The following C13orf46 variants were observed in gnomAD, a reference collection of about 807,000 sequenced individuals.
C13orf46 encodes the protein uncharacterized protein C13orf46.
rs1187073755 is a variant in C13orf46, at chr13:113,955,734, G to C, written c.*1039C>G. 1 of 159,112 alleles carries C rather than the reference G, an allele frequency of 6.3e-6. No individual in the cohort carries two copies. The highest frequency in any genetic ancestry group is 6.6e-5 in the Admixed American group (1 of 15,044). 9.9% of individuals were successfully genotyped at this position (159,112 alleles called of 1,614,324 possible). ...AGGAGTAGTGTCTGGCAGAGACGAG[G>C]AGTAGTGTCTGGCAGAGAGGAGGAG... On this transcript the variant is annotated 3_prime_UTR_variant, in exon 7 of 7. Transcript: ENST00000636427.
the C13orf46 span, among the ~76,000 whole-genome samples, chr13:113,931,540 T>G: frequency 2.4e-3 from 365 of 152,250 alleles, 1 homozygote; most frequent in African/African-American, 8.3e-3. Flanking sequence ...AGACGGCACC[T>G]GCGGGTGACA....
the C13orf46 span, among the ~76,000 whole-genome samples, chr13:113,937,805 G>A: frequency 8.5e-5 from 13 of 152,216 alleles, no homozygotes; most frequent in South Asian, 2.1e-4. Flanking sequence ...AGCCTTTTAC[G>A]GAATGCACAA....
chr13:113,963,227 GGCCCCTGTCCTCAGCCTC>G (rs1483304553), intron 6 of C13orf46, among the ~76,000 whole-genome samples: 1,502 of 128,272 alleles, frequency 0.012, 19 homozygotes, highest in Middle Eastern at 0.032. Context: ...CCTCAGCCTC[GGCCCCTGTCCTCAGCCTC>G]GCCCCTGTCC....
At chr13:113,934,487 TA>T in the C13orf46 span, among the ~76,000 whole-genome samples, 1 of 152,196 alleles carries the variant, frequency 6.6e-6, no homozygotes, top group African/African-American at 2.4e-5. Flanking sequence ...ATTTTCCTTT[TA>T]AAAATCACTT....
At chr13:113,969,062 G>T (rs918708765) in intron 2 of C13orf46, among the ~76,000 whole-genome samples, 1 of 152,248 alleles carries the variant, frequency 6.6e-6, no homozygotes, top group East Asian at 1.9e-4. Context: ...CTTGCTCAAA[G>T]AACCAAAATC....
the C13orf46 span, among the ~76,000 whole-genome samples, chr13:113,943,008 C>T: frequency 6.6e-6 from 1 of 152,186 alleles, no homozygotes; most frequent in Non-Finnish European, 1.5e-5. Context: ...CCTCAGGGAG[C>T]GCTGGCCCCT....
the C13orf46 span, among the ~76,000 whole-genome samples, chr13:113,935,310 T>G: frequency 1.4e-4 from 21 of 152,358 alleles, no homozygotes; most frequent in African/African-American, 4.8e-4. Flanking sequence ...GAGGGGCGAC[T>G]GCAGAGGTTA....
At chr13:113,967,857 T>C (rs935812344) in intron 4 of C13orf46, among the ~76,000 whole-genome samples, 7 of 152,104 alleles carry the variant, frequency 4.6e-5, no homozygotes, top group Non-Finnish European at 1.0e-4. Flanking sequence ...CCCCCCGGGA[T>C]GTGAACGGCT....
At chr13:113,953,363 A>G, downstream of C13orf46, among the ~76,000 whole-genome samples, 1 of 152,082 alleles carries the variant, frequency 6.6e-6, no homozygotes, top group East Asian at 1.9e-4. Context: ...AGCACGTGGA[A>G]CTTTACCCCC....
chr13:113,972,687 G>A (rs888205571), intron 1 of C13orf46, among the ~76,000 whole-genome samples: 6 of 152,202 alleles, frequency 3.9e-5, no homozygotes, highest in African/African-American at 4.8e-5. Flanking sequence ...CACGTTTCGC[G>A]GTTTAGAAGC....
chr13:113,963,447 CCT>C (rs1472091803), intron 6 of C13orf46, among the ~76,000 whole-genome samples: 1 of 140,540 alleles, frequency 7.1e-6, no homozygotes, highest in East Asian at 2.0e-4. Flanking sequence ...AGCCTCGGCC[CCT>C]GTCCTCAGCT....
intron 5 of C13orf46, among the ~76,000 whole-genome samples, chr13:113,966,291 ATGATAG>A (rs1480608664): frequency 6.7e-6 from 1 of 150,290 alleles, no homozygotes; most frequent in Non-Finnish European, 1.5e-5. Flanking sequence ...GATGATGGTC[ATGATAG>A]TGATGGTGAT....
intron 5 of C13orf46, among the ~76,000 whole-genome samples, chr13:113,966,753 A>C (rs2052654464): frequency 6.6e-6 from 1 of 151,582 alleles, no homozygotes; most frequent in South Asian, 2.1e-4. Context: ...GATGGTTGTG[A>C]TATAATGATG....
downstream of C13orf46, among the ~76,000 whole-genome samples, chr13:113,951,474 C>T (rs886815323): frequency 3.9e-3 from 595 of 152,304 alleles, 9 homozygotes; most frequent in East Asian, 0.047. Context: ...ACCACTCCCC[C>T]CCGCCGCCAC....
At chr13:113,969,426 T>C (rs1159280735) in intron 2 of C13orf46, among the ~76,000 whole-genome samples, 15 of 152,252 alleles carry the variant, frequency 9.9e-5, no homozygotes, top group African/African-American at 3.4e-4. Flanking sequence ...CTCTACGGAG[T>C]GGGAGGCTCC....
intron 1 of C13orf46, among the ~76,000 whole-genome samples, chr13:113,971,594 G>A (rs1242466654): frequency 6.6e-6 from 1 of 152,202 alleles, no homozygotes; most frequent in African/African-American, 2.4e-5. Flanking sequence ...CCTGTGCTCC[G>A]CATGGCCCAG....
At chr13:113,970,050 TC>T (rs1468332841) in intron 2 of C13orf46, 120 bp downstream of exon 2, 1 of 152,136 alleles carries the variant, frequency 6.6e-6, no homozygotes, top group Non-Finnish European at 1.5e-5. Context: ...GCTCCCTCTG[TC>T]CCCTTCTAAG....
chr13:113,946,205 A>G, the C13orf46 span, among the ~76,000 whole-genome samples: 1 of 152,078 alleles, frequency 6.6e-6, no homozygotes, highest in Non-Finnish European at 1.5e-5. Context: ...GGAGACCCTC[A>G]CCTAGCACTG....
At chr13:113,965,065 T>C (rs2052623020) in intron 5 of C13orf46, 71 bp from the exon 6 acceptor site, 1 of 152,290 alleles carries the variant, frequency 6.6e-6, no homozygotes, top group African/African-American at 2.4e-5. Context: ...CCTGTGGACC[T>C]GCTGGAGGAT....
Sources: allele counts gnomAD v4.1 joint callset (sites outside exome capture counted in the v4.1 genomes callset), GRCh38; gene constraint gnomAD v4.1.1; transcripts MANE v1.5; gene names NCBI Gene and HGNC (gene_info 2026-07-23, HGNC 2026-07-21).